Variants in DACH2 observed in about 807,000 individuals in gnomAD.
The protein encoded by DACH2 is dachshund family transcription factor 2, also known as dachshund homolog 2.
A neutral mutation model predicts 35.8 loss-of-function variants in DACH2; 17 were observed. The observed-to-expected ratio is 0.48, with a 90% CI of 0.33 to 0.71. DACH2 has a LOEUF of 0.71. Ranked by LOEUF, DACH2 falls within the 30% of genes least tolerant of loss-of-function variation. The probability of loss-of-function intolerance (pLI) is 0.02; values close to 1 mark genes in which losing one functional copy is unlikely to be tolerated. For synonymous variants in DACH2, 195 were observed against 177.3 expected (o/e 1.10, Z -0.79); for missense variants, 469 against 472.7 (o/e 0.99, Z 0.07).
chrX:86,745,533 T>C (rs773078085), intron 7 of DACH2, among the ~76,000 whole-genome samples: 2 of 111,547 alleles, frequency 1.8e-5, no homozygotes, highest in Admixed American at 9.6e-5. Context: ...TTTCTGTTCC[T>C]GCATTAGTTC....
chrX:86,438,310 G>A (rs776361935), intron 2 of DACH2, among the ~76,000 whole-genome samples: 2 of 98,868 alleles, frequency 2.0e-5, no homozygotes, highest in South Asian at 5.3e-4. Context: ...TTCAACCTCC[G>A]CCTCCAGGGT....
At chrX:86,821,814 G>A (rs896761556) in intron 11 of DACH2, among the ~76,000 whole-genome samples, 3 of 111,635 alleles carry the variant, frequency 2.7e-5, no homozygotes, top group African/African-American at 9.8e-5. Context: ...GATCAAAGAC[G>A]TGCAGTTCTA....
intron 1 of DACH2, among the ~76,000 whole-genome samples, chrX:86,301,794 T>A (rs2034580942): frequency 8.9e-6 from 1 of 112,201 alleles, no homozygotes; most frequent in African/African-American, 3.2e-5. Context: ...ATATTTGCAG[T>A]ATATTAATTG....
intron 11 of DACH2, among the ~76,000 whole-genome samples, chrX:86,824,861 C>A (rs1260660316): frequency 4.5e-5 from 5 of 111,769 alleles, no homozygotes; most frequent in Non-Finnish European, 9.4e-5. Context: ...TGCATTTCAA[C>A]CTTCTATGGG....
At chrX:86,621,744 A>G (rs1487275763) in intron 3 of DACH2, among the ~76,000 whole-genome samples, 1 of 111,559 alleles carries the variant, frequency 9.0e-6, no homozygotes, top group East Asian at 2.8e-4. Flanking sequence ...AAGATCATGT[A>G]TTTGAAGTTT....
intron 3 of DACH2, among the ~76,000 whole-genome samples, chrX:86,533,211 G>T (rs1184973942): frequency 9.0e-6 from 1 of 110,835 alleles, no homozygotes; most frequent in Non-Finnish European, 1.9e-5. Context: ...CATCATGCAT[G>T]GCTAAATTTT....
intron 3 of DACH2, among the ~76,000 whole-genome samples, chrX:86,572,180 C>T (rs1337262079): frequency 9.0e-6 from 1 of 110,825 alleles, no homozygotes; most frequent in Non-Finnish European, 1.9e-5. Flanking sequence ...CAACACGGCA[C>T]ATGTATACAT....
intron 1 of DACH2, among the ~76,000 whole-genome samples, chrX:86,310,905 G>T (rs189193436): frequency 9.0e-6 from 1 of 111,206 alleles, no homozygotes; most frequent in African/African-American, 3.3e-5. Context: ...TCCAGCCACC[G>T]CTGTCATTGC....
intron 3 of DACH2, among the ~76,000 whole-genome samples, chrX:86,566,723 T>G (rs1029888483): frequency 9.0e-5 from 10 of 110,733 alleles, no homozygotes; most frequent in Non-Finnish European, 1.5e-4. Flanking sequence ...GTGTACTTCA[T>G]CATCATCATC....
intron 6 of DACH2, among the ~76,000 whole-genome samples, chrX:86,731,168 C>G (rs189694459): frequency 9.0e-6 from 1 of 111,319 alleles, no homozygotes; most frequent in Non-Finnish European, 1.9e-5. Context: ...TTTGGGCCAG[C>G]ATCCAGTGAT....
rs751925778 is a variant in DACH2 at position 86,602,206 on chromosome X, G to A, written c.641-48830G>A. On this transcript the variant is annotated intron_variant, in intron 3 of 11. Transcript: ENST00000373125. Reference sequence around the variant, plus strand: ...GTAGTTGGTTTCTTTTTATTTCTGTGTAATGTTCTGTTGTGTGGATATAGC... The same window carrying A: ...GTAGTTGGTTTCTTTTTATTTCTGTATAATGTTCTGTTGTGTGGATATAGC... Among the ~76,000 whole-genome samples the A allele has an allele frequency of 3.6e-5, 4 of 111,526 alleles. No homozygotes were observed. In the East Asian group the frequency reaches 1.1e-3, roughly 32 times the overall value.
At chrX:86,618,110 A>T (rs2040027953) in intron 3 of DACH2, among the ~76,000 whole-genome samples, 1 of 111,375 alleles carries the variant, frequency 9.0e-6, no homozygotes, top group African/African-American at 3.3e-5. Context: ...ACACTATCTC[A>T]TATATTTAGC....
At chrX:86,469,514 T>C (rs1055212065) in intron 2 of DACH2, among the ~76,000 whole-genome samples, 8 of 111,256 alleles carry the variant, frequency 7.2e-5, no homozygotes, top group African/African-American at 2.6e-4. Context: ...AAGACACTTA[T>C]AATTTGATAT....
chrX:86,630,559 A>G (rs1364222810), intron 3 of DACH2, among the ~76,000 whole-genome samples: 1 of 111,330 alleles, frequency 9.0e-6, no homozygotes, highest in Non-Finnish European at 1.9e-5. Context: ...ATGCTCTTTT[A>G]ACATTTTGTG....
At chrX:86,349,146 G>GT (rs1255325316) in intron 1 of DACH2, among the ~76,000 whole-genome samples, 2 of 111,893 alleles carry the variant, frequency 1.8e-5, no homozygotes, top group Non-Finnish European at 3.8e-5. Context: ...TAAGTGCAAG[G>GT]TTTTTTATTG....
intron 1 of DACH2, among the ~76,000 whole-genome samples, chrX:86,314,360 A>G (rs1345280560): frequency 1.8e-5 from 2 of 110,779 alleles, no homozygotes; most frequent in African/African-American, 6.6e-5. Flanking sequence ...CTACAAAAAA[A>G]TTAAAAAATT....
chrX:86,548,887 A>G (rs1324427306), intron 3 of DACH2, among the ~76,000 whole-genome samples: 1 of 112,114 alleles, frequency 8.9e-6, no homozygotes, highest in Admixed American at 9.5e-5. Flanking sequence ...GGGGCAATCA[A>G]AAACCTGAAC....
intron 1 of DACH2, among the ~76,000 whole-genome samples, chrX:86,291,310 T>G (rs1425138801): frequency 2.1e-5 from 2 of 95,832 alleles, no homozygotes; most frequent in African/African-American, 8.1e-5. Context: ...CTTATCAGCT[T>G]AAGGAGATTT....
At chrX:86,247,083 G>A (rs1175906111) in intron 1 of DACH2, among the ~76,000 whole-genome samples, 2 of 111,544 alleles carry the variant, frequency 1.8e-5, no homozygotes, top group African/African-American at 6.5e-5. Context: ...GACAAAGACA[G>A]GCATTATATA....
Sources: allele counts gnomAD v4.1 joint callset (sites outside exome capture counted in the v4.1 genomes callset), GRCh38; gene constraint gnomAD v4.1.1; transcripts MANE v1.5; gene names NCBI Gene and HGNC (gene_info 2026-07-23, HGNC 2026-07-21).